Variants in VWA3B observed in about 807,000 individuals in gnomAD.
VWA3B encodes the protein von Willebrand factor A domain-containing protein 3B.
A neutral mutation model predicts 158.3 loss-of-function variants in VWA3B; 138 were observed. The ratio of observed to expected loss-of-function variants is 0.87; its 90% CI spans 0.76 to 1.00. The LOEUF (loss-of-function observed/expected upper bound fraction) is 1.00, where lower values mean the gene tolerates loss of function less well. Among genes scored for constraint, VWA3B ranks in the 50% least tolerant of loss-of-function variants. VWA3B has a pLI of 0.00. For synonymous variants in VWA3B, 596 were observed against 587.3 expected, an observed-to-expected ratio of 1.01 and a Z score of -0.21; for missense variants, 1,555 against 1,565.1, an observed-to-expected ratio of 0.99 and a Z score of 0.11.
intron 7 of VWA3B, among the ~76,000 whole-genome samples, chr2:98,142,125 G>A (rs942220723): frequency 6.6e-6 from 1 of 152,156 alleles, no homozygotes; most frequent in African/African-American, 2.4e-5. Flanking sequence ...TGCATCAGGA[G>A]GTGGGGTCTA....
chr2:98,188,717 C>G (rs2105395705), intron 10 of VWA3B, among the ~76,000 whole-genome samples: 1 of 152,230 alleles, frequency 6.6e-6, no homozygotes, highest in South Asian at 2.1e-4. Context: ...TGTATATATA[C>G]CAGTAAAAGC....
rs769713188 is a variant in VWA3B, at chr2:98,311,871, GCGGACA to G, written c.3577_3582del (p.Asp1193_Thr1194del). ...TTTCCTCTTCTGGCCACTGAAAGAAGCGGACACGCAGGATTCCAGAGAGCCAAGACG... is the reference window on the plus strand; with the variant it reads ...TTTCCTCTTCTGGCCACTGAAAGAAGCGCAGGATTCCAGAGAGCCAAGACG... On this transcript the variant is annotated inframe_deletion, in exon 27 of 28. Coordinates refer to ENST00000477737, the MANE Select transcript of VWA3B (RefSeq NM_144992.5). 6.2e-7 allele frequency: 1 copy of G among 1,612,572 alleles called. No individual in the cohort carries two copies.
rs13400479 is a variant in VWA3B, at chr2:98,102,698, G to A, written c.196+9410G>A. ...CTCCGTAACTTTCTTTTCTTGTAACGTCATTGTCAGGTTTCAGCATCAAGA... is the reference window on the plus strand; with the variant it reads ...CTCCGTAACTTTCTTTTCTTGTAACATCATTGTCAGGTTTCAGCATCAAGA... On this transcript the variant is annotated intron_variant, in intron 2 of 27. Coordinates refer to ENST00000477737, the MANE Select transcript of VWA3B (RefSeq NM_144992.5). Among the ~76,000 whole-genome samples, 526 of 152,236 alleles carry A rather than the reference G, an allele frequency of 3.5e-3. 4 individuals are homozygous for A. The highest frequency in any genetic ancestry group is 0.012 in the African/African-American group (502 of 41,540).
chr2:98,276,202 T>C (rs1688510773), intron 22 of VWA3B, among the ~76,000 whole-genome samples: 1 of 152,148 alleles, frequency 6.6e-6, no homozygotes, highest in Non-Finnish European at 1.5e-5. Context: ...TGGAAGATTT[T>C]GAATGTTGTT....
rs779785668 is a variant in VWA3B at position 98,181,047 on chromosome 2, G to A, written c.1146G>A (p.Ser382=). Residue 382 remains serine, a synonymous_variant, in exon 9 of 28, where the codon TCG becomes TCA. Coordinates refer to ENST00000477737, the MANE Select transcript of VWA3B (RefSeq NM_144992.5). ...AAACAACCTCTGTTGAGATTGCATC[G>A]AATCCAGAAGACACCTGGGACTCTA... The part of the protein sequence containing the change: ...ESETTSVEIA[S]NPEDTWDSKT... 16 of 1,614,152 alleles carry A rather than the reference G, an allele frequency of 9.9e-6. No homozygotes were observed. The highest frequency in any genetic ancestry group is 3.3e-5 in the South Asian group (3 of 91,066).
intron 26 of VWA3B, 139 bp from the exon 27 acceptor site, chr2:98,311,680 A>C (rs891609572): frequency 2.9e-6 from 3 of 1,033,686 alleles, no homozygotes; most frequent in Admixed American, 2.9e-5. Context: ...CATTGGGTTC[A>C]CAGCGCTCCA....
intron 7 of VWA3B, among the ~76,000 whole-genome samples, chr2:98,138,251 C>G (rs905458522): frequency 3.9e-5 from 6 of 152,218 alleles, no homozygotes; most frequent in Non-Finnish European, 7.3e-5. Flanking sequence ...TTCTGGGAAG[C>G]CTTCCGTGGC....
intron 21 of VWA3B, among the ~76,000 whole-genome samples, chr2:98,266,562 GT>G (rs1389567948): frequency 2.1e-5 from 3 of 144,952 alleles, no homozygotes; most frequent in Non-Finnish European, 3.0e-5. Context: ...CTTTAAAGTA[GT>G]TTTTTCCAAT....
chr2:98,152,803 TTGG>T (rs994465044), intron 7 of VWA3B, among the ~76,000 whole-genome samples: 1 of 152,212 alleles, frequency 6.6e-6, no homozygotes, highest in Non-Finnish European at 1.5e-5. Context: ...CTTCTCAGAC[TTGG>T]TGGTGGGATG....
chr2:98,271,453 GT>G (rs1299638845), intron 22 of VWA3B, among the ~76,000 whole-genome samples: 3 of 151,808 alleles, frequency 2.0e-5, no homozygotes, highest in African/African-American at 7.3e-5. Flanking sequence ...TTTCCTTTTA[GT>G]TTTTTTTCTC....
chr2:98,154,603 C>G (rs1006661921), intron 7 of VWA3B, among the ~76,000 whole-genome samples: 1 of 152,186 alleles, frequency 6.6e-6, no homozygotes, highest in Non-Finnish European at 1.5e-5. Flanking sequence ...AAGTAGCCCT[C>G]TTGACACTGG....
chr2:98,100,914 T>C (rs1232435440), intron 2 of VWA3B, among the ~76,000 whole-genome samples: 1 of 152,202 alleles, frequency 6.6e-6, no homozygotes, highest in Non-Finnish European at 1.5e-5. Flanking sequence ...TATTTTTGTG[T>C]GTAGACAGTT....
chr2:98,128,148 A>G (rs1197914313), intron 5 of VWA3B, 91 bp from the exon 6 acceptor site: 60 of 1,461,310 alleles, frequency 4.1e-5, no homozygotes, highest in Non-Finnish European at 1.9e-6. Flanking sequence ...TTTTTCTAAG[A>G]GATCGTTTTG....
In VWA3B at chr2:98,230,148, T is replaced by A. The variant is rs754717023; in HGVS notation, c.2249T>A (p.Leu750Ter). The change falls in exon 16 of 28, where the codon TTG (leucine) becomes TAG (stop). Residue 750 changes from leucine to a stop codon, truncating the protein, a stop_gained. Coordinates refer to ENST00000477737, the MANE Select transcript of VWA3B (RefSeq NM_144992.5). LOFTEE classifies it high-confidence loss of function. ...DSTQTSSLNMLKGPWGLSDQK... is the reference protein window; with the variant it reads ...DSTQTSSLNM Reference sequence around the variant, plus strand: ...ACACAAACTTCATCTCTGAATATGTTGAAGGGACCATGGGGCCTTTCAGAT... The same window carrying A: ...ACACAAACTTCATCTCTGAATATGTAGAAGGGACCATGGGGCCTTTCAGAT... The A allele has an allele frequency of 1.2e-5, 20 of 1,610,854 alleles. No homozygotes were observed. Among genetic ancestry groups the A allele is most frequent in the Non-Finnish European group, 1.7e-5 (20 of 1,179,272 alleles).
chr2:98,181,343 C>G, intron 9 of VWA3B, 131 bp downstream of exon 9: 1 of 975,008 alleles, frequency 1.0e-6, no homozygotes, highest in East Asian at 2.5e-5. Flanking sequence ...CTGTGAAGAA[C>G]AGGGTTCCTC....
intron 2 of VWA3B, among the ~76,000 whole-genome samples, chr2:98,115,203 G>T (rs1001507366): frequency 6.7e-6 from 1 of 150,212 alleles, no homozygotes; most frequent in African/African-American, 2.5e-5. Context: ...TGCATTAAAA[G>T]ATTACAATGC....
At chr2:98,101,290 C>T (rs1242454692) in intron 2 of VWA3B, among the ~76,000 whole-genome samples, 6 of 152,212 alleles carry the variant, frequency 3.9e-5, no homozygotes, top group Non-Finnish European at 8.8e-5. Context: ...GTATATACAA[C>T]GTATATATAC....
At position 98,115,679 on chromosome 2, in the gene VWA3B, T is replaced by A; in HGVS notation, c.224T>A (p.Val75Glu). ...EDYVASLGRP[V>E]ASRYADGLFP... ...TATGTGGCGTCTCTGGGGAGACCTG[T>A]GGCTTCTCGGTATGCTGATGGTCTG... The change falls in exon 3 of 28, where the codon GTG becomes GAG. Residue 75 changes from valine to glutamate, a missense_variant. Transcript: ENST00000477737. The A allele has an allele frequency of 6.2e-7, 1 of 1,613,986 alleles. No homozygotes were observed.
intron 6 of VWA3B, among the ~76,000 whole-genome samples, chr2:98,128,732 T>A (rs1000682166): frequency 6.6e-6 from 1 of 152,244 alleles, no homozygotes; most frequent in African/African-American, 2.4e-5. Flanking sequence ...GAGCCCACAC[T>A]GCCAATCCAG....
Sources: allele counts gnomAD v4.1 joint callset (sites outside exome capture counted in the v4.1 genomes callset), GRCh38; gene constraint gnomAD v4.1.1; transcripts MANE v1.5; gene names NCBI Gene and HGNC (gene_info 2026-07-23, HGNC 2026-07-21).